Variants in NDUFA3 observed in about 807,000 individuals in gnomAD.
The protein encoded by NDUFA3 is NADH:ubiquinone oxidoreductase subunit A3.
Under a neutral mutation model 11.4 loss-of-function variants are expected in NDUFA3, and 10 were observed. The observed-to-expected ratio is 0.87, with a 90% CI of 0.54 to 1.48. The LOEUF is 1.48. NDUFA3 is among the 40% of genes most tolerant of loss of function. The pLI is 0.00. For synonymous variants in NDUFA3, 39 were observed against 46.9 expected, an observed-to-expected ratio of 0.83 and a Z score of 0.68; for missense variants, 115 against 110.5, an observed-to-expected ratio of 1.04 and a Z score of -0.18.
In NDUFA3 at chr19:54,105,881, C is replaced by T. The variant is rs2073244062; in HGVS notation, c.86-53C>T. 16 of 1,483,366 alleles carry T rather than the reference C, an allele frequency of 1.1e-5. No homozygotes were observed. In the South Asian group the frequency reaches 1.7e-4, roughly 16 times the overall value. 91.9% of individuals were successfully genotyped at this position (1,483,366 alleles called of 1,614,324 possible). On this transcript the variant is annotated intron_variant, in intron 2 of 3. Transcript: ENST00000485876. ...CTTTGCCAAGGCTCACCTTCTCTTCCCCTCTCTTCAGAGCCACCTTCCCCT... is the reference window on the plus strand; with the variant it reads ...CTTTGCCAAGGCTCACCTTCTCTTCTCCTCTCTTCAGAGCCACCTTCCCCT...
In NDUFA3 at chr19:54,107,157, C is replaced by T. The variant is rs1167210836; in HGVS notation, c.*255C>T. ...TCATCTGCTTCAAAGCCAAAGTCTT[C>T]CTCAACCTTAATCTGCAGGAGATAA... On this transcript the variant is annotated 3_prime_UTR_variant, in exon 4 of 4. Transcript: ENST00000485876. 1.2e-6 allele frequency: 2 copies of T among 1,613,592 alleles called. No individual in the cohort carries two copies. The highest frequency in any genetic ancestry group is 1.3e-5 in the African/African-American group (1 of 74,862).
intron 1 of NDUFA3, 71 bp from the exon 2 acceptor site, chr19:54,103,043 G>A: frequency 6.4e-7 from 1 of 1,562,274 alleles, no homozygotes. Context: ...CAGGGCAGGG[G>A]TGGCACGAGA....
At chr19:54,106,142 A>G in intron 3 of NDUFA3, 131 bp downstream of exon 3, 1 of 800,000 alleles carries the variant, frequency 1.3e-6, no homozygotes, top group Admixed American at 2.6e-5. Flanking sequence ...CCCCCGTTCC[A>G]TTTTTTAAGA....
chr19:54,103,228 C>T, intron 2 of NDUFA3, 40 bp downstream of exon 2: 3 of 1,552,090 alleles, frequency 1.9e-6, no homozygotes, highest in Non-Finnish European at 2.6e-6. Context: ...ATCGTCCACC[C>T]CCGTCCCCCT....
At position 54,107,060 on chromosome 19, in the gene NDUFA3, G is replaced by A; in HGVS notation, c.*158G>A. 6.2e-7 allele frequency: 1 copy of A among 1,613,716 alleles called. No homozygotes were observed. Among genetic ancestry groups the A allele is most frequent in the Non-Finnish European group, 8.5e-7 (1 of 1,179,926 alleles). ...TTTATTGGGCATGCGTCAGTCAGAGGCTGGGCTGGCCAGGGTCGGGTAGGG... is the reference window on the plus strand; with the variant it reads ...TTTATTGGGCATGCGTCAGTCAGAGACTGGGCTGGCCAGGGTCGGGTAGGG... On this transcript the variant is annotated 3_prime_UTR_variant, in exon 4 of 4. Transcript: ENST00000485876.
Position 54,105,264 on chromosome 19 carries a change from C to CTTTTTTTTTTTTTTTTTTT in NDUFA3, c.86-667_86-649dup, listed in dbSNP as rs796770972. Among the ~76,000 whole-genome samples, 45 of 71,258 alleles carry CTTTTTTTTTTTTTTTTTTT rather than the reference C, an allele frequency of 6.3e-4. 6 individuals are homozygous for CTTTTTTTTTTTTTTTTTTT. Among genetic ancestry groups the CTTTTTTTTTTTTTTTTTTT allele is most frequent in the Admixed American group, 8.0e-4 (4 of 4,972 alleles). The allele number at this position is 71,258 out of a possible 152,430, so 46.7% of individuals were successfully genotyped here. A position where few individuals can be genotyped will look rare whatever the true frequency, so the allele number is the denominator to read the frequency against. ...ACCCTTTCTCCTCCAGTTTGTAAGG[C>CTTTTTTTTTTTTTTTTTTT]TTTTTTTTTTTTTTTTTTTTTGGTG... On this transcript the variant is annotated intron_variant, in intron 2 of 3. Coordinates refer to ENST00000485876, the MANE Select transcript of NDUFA3 (RefSeq NM_004542.4).
Position 54,107,213 on chromosome 19 carries a change from A to G in NDUFA3, c.*311A>G. On this transcript the variant is annotated 3_prime_UTR_variant, in exon 4 of 4. Transcript: ENST00000485876. ...AAGGTGTTAACAGGCCTGGGAATCT[A>G]GAAAATCCCATCAGCTTCACCATTT... is the stretch of plus-strand genomic sequence containing the variant. 1 of 1,583,112 alleles carries G rather than the reference A, an allele frequency of 6.3e-7. No individual in the cohort carries two copies. The highest frequency in any genetic ancestry group is 8.6e-7 in the Non-Finnish European group (1 of 1,166,466).
chr19:54,105,264 C>CTTTT lies in NDUFA3; in HGVS notation c.86-652_86-649dup, dbSNP rs796770972. Among the ~76,000 whole-genome samples the CTTTT allele has an allele frequency of 7.8e-3, 552 of 71,132 alleles. 44 individuals are homozygous for CTTTT. Among genetic ancestry groups the CTTTT allele is most frequent in the South Asian group, 0.017 (34 of 2,040 alleles). 46.7% of individuals were successfully genotyped at this position (71,132 alleles called of 152,430 possible). ...ACCCTTTCTCCTCCAGTTTGTAAGG[C>CTTTT]TTTTTTTTTTTTTTTTTTTTTGGTG... On this transcript the variant is annotated intron_variant, in intron 2 of 3. Coordinates refer to ENST00000485876, the MANE Select transcript of NDUFA3 (RefSeq NM_004542.4).
At chr19:54,104,381 G>A (rs976403871) in intron 2 of NDUFA3, among the ~76,000 whole-genome samples, 4 of 151,968 alleles carry the variant, frequency 2.6e-5, no homozygotes, top group Non-Finnish European at 5.9e-5. Context: ...CAAGTGATCT[G>A]CCTTCCCAAA....
Position 54,105,264 on chromosome 19 carries a change from C to CCT in NDUFA3, c.86-670_86-669insCT, listed in dbSNP as rs1316415018. ...ACCCTTTCTCCTCCAGTTTGTAAGG[C>CCT]TTTTTTTTTTTTTTTTTTTTTGGTG... On this transcript the variant is annotated intron_variant, in intron 2 of 3. Coordinates refer to ENST00000485876, the MANE Select transcript of NDUFA3 (RefSeq NM_004542.4). Among the ~76,000 whole-genome samples the CCT allele has an allele frequency of 9.3e-4, 66 of 71,258 alleles. 6 individuals carry two copies. The highest frequency in any genetic ancestry group is 2.1e-3 in the African/African-American group (35 of 16,564). The allele number at this position is 71,258 out of a possible 152,430, so 46.7% of individuals were successfully genotyped here. A position where few individuals can be genotyped will look rare whatever the true frequency, so the allele number is the denominator to read the frequency against.
chr19:54,105,163 A>G (rs752768647), intron 2 of NDUFA3, among the ~76,000 whole-genome samples: 222 of 150,724 alleles, frequency 1.5e-3, no homozygotes, highest in Non-Finnish European at 2.3e-3. Context: ...CATTCCTTTT[A>G]TGAACTGTAC....
At position 54,106,043 on chromosome 19, in the gene NDUFA3, T is replaced by C. The variant is rs779609576; in HGVS notation, c.163+32T>C. On this transcript the variant is annotated intron_variant, in intron 3 of 3. Transcript: ENST00000485876. ...GGGGGCCAGGCAGGGATCCCCGGAA[T>C]AGGCCCAGCCTCCCTGTGCTGGCGT... is the stretch of plus-strand genomic sequence containing the variant. 7.0e-6 allele frequency: 11 copies of C among 1,576,924 alleles called. 1 individual carries two copies. The East Asian group carries it at 1.3e-4, about 19-fold the overall frequency.
In NDUFA3 at chr19:54,107,220, C is replaced by A. The variant is rs587767540; in HGVS notation, c.*318C>A. ...TAACAGGCCTGGGAATCTAGAAAAT[C>A]CCATCAGCTTCACCATTTTTGTTTT... On this transcript the variant is annotated 3_prime_UTR_variant, in exon 4 of 4. Transcript: ENST00000485876. 3 of 1,580,676 alleles carry A rather than the reference C, an allele frequency of 1.9e-6. No individual in the cohort carries two copies. In the South Asian group the frequency reaches 3.4e-5, roughly 18 times the overall value.
intron 2 of NDUFA3, among the ~76,000 whole-genome samples, chr19:54,104,618 T>C (rs994845224): frequency 3.9e-5 from 6 of 152,318 alleles, no homozygotes; most frequent in African/African-American, 9.6e-5. Context: ...CTGGTATGAA[T>C]TGAGGTGGTA....
chr19:54,105,526 C>A (rs1209173372), intron 2 of NDUFA3: 1 of 369,500 alleles, frequency 2.7e-6, no homozygotes, highest in African/African-American at 2.1e-5. Context: ...ACATTGGCCG[C>A]CCAAAGTGCT....
At chr19:54,103,745 C>T (rs587749647) in intron 2 of NDUFA3, among the ~76,000 whole-genome samples, 3 of 152,144 alleles carry the variant, frequency 2.0e-5, no homozygotes, top group Non-Finnish European at 4.4e-5. Context: ...GTGGCGCGAT[C>T]CCGGCTCACT....
chr19:54,106,118 AGTG>A (rs2073252775), intron 3 of NDUFA3, 107 bp downstream of exon 3: 1 of 1,054,440 alleles, frequency 9.5e-7, no homozygotes, highest in Admixed American at 1.9e-5. Context: ...GAGATTCTGC[AGTG>A]GTGCCCGGAC....
At chr19:54,104,183 G>A (rs1224274204) in intron 2 of NDUFA3, among the ~76,000 whole-genome samples, 1 of 131,304 alleles carries the variant, frequency 7.6e-6, no homozygotes, top group Non-Finnish European at 1.6e-5. Context: ...TGTCTTCCAG[G>A]CTACAGTGCA....
chr19:54,105,264 CTTTTT>C (rs796770972), intron 2 of NDUFA3, among the ~76,000 whole-genome samples: 2 of 71,258 alleles, frequency 2.8e-5, no homozygotes, highest in South Asian at 4.9e-4. Context: ...GTTTGTAAGG[CTTTTT>C]TTTTTTTTTT....
Sources: allele counts gnomAD v4.1 joint callset (sites outside exome capture counted in the v4.1 genomes callset), GRCh38; gene constraint gnomAD v4.1.1; transcripts MANE v1.5; gene names NCBI Gene and HGNC (gene_info 2026-07-23, HGNC 2026-07-21).